The following CUX2 variants were observed in gnomAD, a reference collection of about 807,000 sequenced individuals.
The protein encoded by CUX2 is cut like homeobox 2, also known as homeobox protein cut-like 2.
CUX2 carries 40 observed loss-of-function variants against 144.8 expected under a neutral mutation model. The ratio of observed to expected loss-of-function variants is 0.28; its 90% CI spans 0.21 to 0.36. The LOEUF (loss-of-function observed/expected upper bound fraction) is 0.36. Ranked by LOEUF, CUX2 falls within the 10% of genes least tolerant of loss-of-function variation. CUX2 has a pLI of 1.00. For missense variants in CUX2, 1,615 were observed against 1,994.0 expected (o/e 0.81, Z 3.62); for synonymous variants, 827 against 875.6 (o/e 0.94, Z 0.98).
intron 1 of CUX2, among the ~76,000 whole-genome samples, chr12:111,055,349 C>G (rs1198407399): frequency 6.6e-6 from 1 of 152,232 alleles, no homozygotes; most frequent in Non-Finnish European, 1.5e-5. Context: ...AATTTCCTGT[C>G]CTTCCTATCC....
chr12:111,327,623 G>C (rs1887879407), intron 18 of CUX2, among the ~76,000 whole-genome samples: 1 of 152,172 alleles, frequency 6.6e-6, no homozygotes, highest in African/African-American at 2.4e-5. Context: ...TTGACCACAG[G>C]TAGGATAGAG....
intron 3 of CUX2, among the ~76,000 whole-genome samples, chr12:111,239,034 G>T (rs1882894717): frequency 6.6e-6 from 1 of 152,162 alleles, no homozygotes; most frequent in Admixed American, 6.5e-5. Flanking sequence ...GACAGAGCAA[G>T]ATTCCGTCTC....
intron 3 of CUX2, among the ~76,000 whole-genome samples, chr12:111,261,746 C>CA (rs1160186964): frequency 2.0e-5 from 3 of 151,910 alleles, no homozygotes; most frequent in Non-Finnish European, 2.9e-5. Flanking sequence ...ACTAAAAATA[C>CA]AAAAAAATTA....
In CUX2 at chr12:111,293,319, G is replaced by A. The variant is rs1479938314; in HGVS notation, c.437-127G>A. 1.3e-4 allele frequency: 175 copies of A among 1,392,486 alleles called. 3 individuals are homozygous for A. In the East Asian group the frequency reaches 4.1e-3, roughly 32 times the overall value. 86.3% of individuals were successfully genotyped at this position (1,392,486 alleles called of 1,614,324 possible). A position where few individuals can be genotyped will look rare whatever the true frequency, so the allele number is the denominator to read the frequency against. ...GCGGCCCGCAGGGCCCCACAGCTGC[G>A]CTCTCTCCAAGGCCCAAGTTTGGGA... On this transcript the variant is annotated intron_variant, in intron 5 of 21. Transcript: ENST00000261726. The surrounding 1 kb of genome is among the most constrained non-coding windows in gnomAD (Gnocchi z 4.5).
intron 9 of CUX2, among the ~76,000 whole-genome samples, chr12:111,303,946 G>A (rs191025208): frequency 6.6e-6 from 1 of 152,136 alleles, no homozygotes; most frequent in African/African-American, 2.4e-5. Context: ...GGCACCCCAC[G>A]AGAACCCAGA....
At chr12:111,201,450 C>T (rs958552434) in intron 1 of CUX2, among the ~76,000 whole-genome samples, 2 of 152,186 alleles carry the variant, frequency 1.3e-5, no homozygotes, top group East Asian at 1.9e-4. Context: ...AACAGCCTGA[C>T]GGTTCCAGCC....
chr12:111,036,519 G>T (rs1411965664), intron 1 of CUX2, among the ~76,000 whole-genome samples: 1 of 152,124 alleles, frequency 6.6e-6, no homozygotes, highest in African/African-American at 2.4e-5. Flanking sequence ...AAGATGCATA[G>T]ATGGAAAGCA....
rs1018201321 is a variant in CUX2 at position 111,307,452 on chromosome 12, G to A, written c.1109+195G>A. 2.0e-5 allele frequency among the ~76,000 whole-genome samples: 3 copies of A among 152,204 alleles called. No homozygotes were observed. The highest frequency in any genetic ancestry group is 4.8e-5 in the African/African-American group (2 of 41,448). The stretch of plus-strand genomic sequence containing the variant: ...CCCTGTAATCCCAACACTTTGGGAG[G>A]CCCAGGCAGGAGGATCGCTTGAGGT... On this transcript the variant is annotated intron_variant, in intron 12 of 21. Transcript: ENST00000261726. This position sits in a 1 kb window ranked among gnomAD's most constrained non-coding sequence, Gnocchi z 4.1.
At chr12:111,187,230 G>A (rs1879597712) in intron 1 of CUX2, among the ~76,000 whole-genome samples, 1 of 152,164 alleles carries the variant, frequency 6.6e-6, no homozygotes, top group African/African-American at 2.4e-5. Context: ...ATATCACCCA[G>A]CAGCCTGCAG....
chr12:111,194,980 A>G (rs58899348), intron 1 of CUX2, among the ~76,000 whole-genome samples: 1 of 151,694 alleles, frequency 6.6e-6, no homozygotes, highest in Non-Finnish European at 1.5e-5. Flanking sequence ...CCTCTCCCCA[A>G]CCCTACAGGA....
intron 1 of CUX2, among the ~76,000 whole-genome samples, chr12:111,102,335 A>G (rs561661423): frequency 3.2e-4 from 49 of 152,308 alleles, no homozygotes; most frequent in African/African-American, 9.6e-4. Context: ...TCTCCCTCCG[A>G]GGGAGGATCT....
chr12:111,105,495 G>C (rs994217460), intron 1 of CUX2, among the ~76,000 whole-genome samples: 1 of 152,136 alleles, frequency 6.6e-6, no homozygotes, highest in Non-Finnish European at 1.5e-5. Context: ...CTGTGTGTGT[G>C]TGTGTGTGTG....
At chr12:111,226,305 C>G (rs78864525) in intron 3 of CUX2, among the ~76,000 whole-genome samples, 11,034 of 152,234 alleles carry the variant, frequency 0.072, 416 homozygotes, top group South Asian at 0.11. Context: ...CCTTGGCTGC[C>G]CATAACCAAG....
intron 4 of CUX2, among the ~76,000 whole-genome samples, chr12:111,285,447 A>C (rs1885330768): frequency 6.6e-6 from 1 of 152,136 alleles, no homozygotes; most frequent in Non-Finnish European, 1.5e-5. Context: ...ATTAGTTAGA[A>C]GGTCTAACGG....
At chr12:111,125,180 A>AT (rs113174761) in intron 1 of CUX2, among the ~76,000 whole-genome samples, 1,662 of 141,232 alleles carry the variant, frequency 0.012, 30 homozygotes, top group East Asian at 0.084. Context: ...CTATTCTGGA[A>AT]TTTTTTTTTT....
At chr12:111,229,509 C>T (rs1211277445) in intron 3 of CUX2, among the ~76,000 whole-genome samples, 1 of 152,176 alleles carries the variant, frequency 6.6e-6, no homozygotes, top group Non-Finnish European at 1.5e-5. Flanking sequence ...GTCACTTTCC[C>T]TCTAGCCTGT....
chr12:111,088,208 A>T (rs979393217), intron 1 of CUX2, among the ~76,000 whole-genome samples: 1 of 152,112 alleles, frequency 6.6e-6, no homozygotes, highest in African/African-American at 2.4e-5. Flanking sequence ...CTGTACCTTG[A>T]CTGTGTCAAT....
At chr12:111,148,830 C>G (rs996214333) in intron 1 of CUX2, among the ~76,000 whole-genome samples, 3 of 152,074 alleles carry the variant, frequency 2.0e-5, no homozygotes, top group African/African-American at 7.2e-5. Flanking sequence ...GACCCCTTCT[C>G]TAAAAAAATT....
At chr12:111,331,419 G>T (rs116603402) in intron 18 of CUX2, among the ~76,000 whole-genome samples, 2 of 152,160 alleles carry the variant, frequency 1.3e-5, no homozygotes, top group African/African-American at 4.8e-5. Flanking sequence ...GGGATTAGGT[G>T]TGGCCAGTGC....
Sources: allele counts gnomAD v4.1 joint callset (sites outside exome capture counted in the v4.1 genomes callset), GRCh38; gene constraint gnomAD v4.1.1; non-coding constraint Gnocchi (gnomAD v3.1); transcripts MANE v1.5; gene names NCBI Gene and HGNC (gene_info 2026-07-23, HGNC 2026-07-21).